The following SCRN1 variants were observed in gnomAD, a reference collection of about 807,000 sequenced individuals.
SCRN1 encodes secernin 1.
SCRN1 carries 19 observed loss-of-function variants against 43.3 expected under a neutral mutation model. That is an observed-to-expected ratio of 0.44 (90% CI 0.31 to 0.64). SCRN1 has a LOEUF of 0.64. SCRN1 is among the 30% of genes least tolerant of loss of function. The pLI is 0.09. For missense variants in SCRN1, 447 were observed against 524.1 expected, an observed-to-expected ratio of 0.85 and a Z score of 1.44; for synonymous variants, 183 against 188.9, an observed-to-expected ratio of 0.97 and a Z score of 0.26.
intron 3 of SCRN1, among the ~76,000 whole-genome samples, chr7:29,954,471 A>G (rs892462240): frequency 6.6e-6 from 1 of 152,108 alleles, no homozygotes; most frequent in African/African-American, 2.4e-5. Flanking sequence ...CCCGCAAAAG[A>G]AAGCTCATGC....
upstream of SCRN1, chr7:29,989,825 C>A (rs1021324443): frequency 1.0e-6 from 1 of 987,040 alleles, no homozygotes; most frequent in Non-Finnish European, 1.2e-6. Flanking sequence ...CCGCCGCCCC[C>A]CGCAGCAGCT....
chr7:29,961,544 C>T (rs547098016), intron 2 of SCRN1, among the ~76,000 whole-genome samples: 11 of 151,006 alleles, frequency 7.3e-5, no homozygotes, highest in African/African-American at 2.2e-4. Context: ...TTCCACAAAG[C>T]CGCCATTGTC....
intron 6 of SCRN1, among the ~76,000 whole-genome samples, chr7:29,932,418 G>A (rs183043653): frequency 5.3e-5 from 8 of 151,968 alleles, no homozygotes; most frequent in Admixed American, 2.6e-4. Flanking sequence ...TTTGGGAGGC[G>A]GAGGCAGGCA....
At chr7:29,928,942 G>A (rs1384254184) in intron 6 of SCRN1, among the ~76,000 whole-genome samples, 2 of 152,212 alleles carry the variant, frequency 1.3e-5, no homozygotes, top group African/African-American at 4.8e-5. Flanking sequence ...TGCAGATGGA[G>A]GGCTCGCTGC....
At chr7:29,966,137 C>CCG (rs1788481560) in intron 2 of SCRN1, among the ~76,000 whole-genome samples, 2 of 60,270 alleles carry the variant, frequency 3.3e-5, no homozygotes, top group African/African-American at 1.2e-4. Context: ...GAGAGAGAGA[C>CCG]AGAGAGAGAG....
chr7:29,937,642 G>C (rs141833686), intron 5 of SCRN1, among the ~76,000 whole-genome samples: 1 of 152,160 alleles, frequency 6.6e-6, no homozygotes, highest in Non-Finnish European at 1.5e-5. Flanking sequence ...TCCTCTCTGC[G>C]GTGGGAAATA....
In SCRN1 at chr7:29,970,609, T is replaced by C. The variant is rs187332714; in HGVS notation, c.-1-1541A>G. Among the ~76,000 whole-genome samples the C allele has an allele frequency of 1.8e-3, 267 of 152,378 alleles. 2 individuals carry two copies. The highest frequency in any genetic ancestry group is 3.4e-3 in the Middle Eastern group (1 of 294). On this transcript the variant is annotated intron_variant, in intron 1 of 7. Transcript: ENST00000242059. The stretch of plus-strand genomic sequence containing the variant: ...CAATATGAAAGCAAGGACCTTTCCC[T>C]TTTGCACACTGCTGTAACCGCAGCC...
chr7:29,957,949 T>C (rs753782926), intron 2 of SCRN1, among the ~76,000 whole-genome samples: 2 of 152,140 alleles, frequency 1.3e-5, no homozygotes, highest in Admixed American at 6.5e-5. Flanking sequence ...ATGTTGACAA[T>C]TGAATCAAAA....
rs536283970 is a variant in SCRN1 at position 29,936,785 on chromosome 7, G to T, written c.740-64C>A. 36 of 1,342,024 alleles carry T rather than the reference G, an allele frequency of 2.7e-5. No individual in the cohort carries two copies. In the East Asian group the frequency reaches 8.7e-4, roughly 32 times the overall value. 83.1% of individuals were successfully genotyped at this position (1,342,024 alleles called of 1,614,324 possible). On this transcript the variant is annotated intron_variant, in intron 5 of 7. Transcript: ENST00000242059. ...ATATAGGCCGGGCGCGGTGGCTCAC[G>T]CCTGTAATCCCAGCACTTTGGGAGG...
chr7:29,927,184 C>T (rs1365484247), intron 6 of SCRN1, among the ~76,000 whole-genome samples: 2 of 152,104 alleles, frequency 1.3e-5, no homozygotes, highest in Non-Finnish European at 2.9e-5. Flanking sequence ...GCACACCACA[C>T]AGAAGTCTGG....
intron 1 of SCRN1, among the ~76,000 whole-genome samples, chr7:29,976,340 C>G (rs989117285): frequency 7.2e-5 from 11 of 152,042 alleles, no homozygotes; most frequent in African/African-American, 2.7e-4. Context: ...GTGATATAAG[C>G]CAGTCACGAA....
At position 29,956,168 on chromosome 7, in the gene SCRN1, A is replaced by G. The variant is rs185679643; in HGVS notation, c.160-808T>C. ...TTCTTCACACGAACTCTTACACAGAATCATAAGCACAATAAAATCAGTCAA... is the reference window on the plus strand; with the variant it reads ...TTCTTCACACGAACTCTTACACAGAGTCATAAGCACAATAAAATCAGTCAA... On this transcript the variant is annotated intron_variant, in intron 2 of 7. Coordinates refer to ENST00000242059, the MANE Select transcript of SCRN1 (RefSeq NM_014766.5). Among the ~76,000 whole-genome samples, 3 of 152,374 alleles carry G rather than the reference A, an allele frequency of 2.0e-5. No individual in the cohort carries two copies. The East Asian group carries it at 5.8e-4, about 29-fold the overall frequency.
chr7:29,945,570 A>C (rs1352698516), intron 3 of SCRN1, among the ~76,000 whole-genome samples: 1 of 152,206 alleles, frequency 6.6e-6, no homozygotes, highest in Non-Finnish European at 1.5e-5. Context: ...GAAAATATGC[A>C]GTGCTAGTGC....
intron 3 of SCRN1, among the ~76,000 whole-genome samples, chr7:29,952,019 C>A (rs34595026): frequency 0.079 from 12,085 of 152,278 alleles, 640 homozygotes; most frequent in Non-Finnish European, 0.12. Context: ...CAGGGAGGAA[C>A]TGGCACTAGA....
chr7:29,951,979 T>G (rs1482170203), intron 3 of SCRN1, among the ~76,000 whole-genome samples: 3 of 152,202 alleles, frequency 2.0e-5, no homozygotes, highest in Non-Finnish European at 4.4e-5. Flanking sequence ...GCATGTGAAA[T>G]GGACATAGCC....
At chr7:29,982,754 G>A (rs556350915) in intron 1 of SCRN1, among the ~76,000 whole-genome samples, 101 of 150,490 alleles carry the variant, frequency 6.7e-4, no homozygotes, top group African/African-American at 2.3e-3. Context: ...TAATTAATAC[G>A]TAGTGGAGTA....
At chr7:29,924,501 C>A (rs970100055) in intron 7 of SCRN1, among the ~76,000 whole-genome samples, 3 of 152,218 alleles carry the variant, frequency 2.0e-5, no homozygotes, top group African/African-American at 7.2e-5. Context: ...GGAGGGCCAT[C>A]CCCTTTCTCA....
chr7:29,958,705 G>T (rs921110289), intron 2 of SCRN1, among the ~76,000 whole-genome samples: 7 of 152,222 alleles, frequency 4.6e-5, no homozygotes, highest in African/African-American at 1.7e-4. Flanking sequence ...GTGAACTGTG[G>T]AAAGAGATGA....
chr7:29,951,220 G>A (rs115074644), intron 3 of SCRN1, among the ~76,000 whole-genome samples: 1,947 of 152,312 alleles, frequency 0.013, 37 homozygotes, highest in African/African-American at 0.045. Flanking sequence ...CTGCAGCCTC[G>A]CACAGAGCTA....
Sources: gnomAD v4.1 joint callset for allele counts (sites outside exome capture counted in the v4.1 genomes callset) on GRCh38, gnomAD v4.1.1 for gene constraint, MANE v1.5 for transcripts, NCBI Gene and HGNC (gene_info 2026-07-23, HGNC 2026-07-21) for gene names.